Variants in ZNF365 observed in about 807,000 individuals in gnomAD.
The protein encoded by ZNF365 is protein ZNF365.
ZNF365 carries 22 observed loss-of-function variants against 35.0 expected under a neutral mutation model. The observed-to-expected ratio is 0.63, with a 90% CI of 0.45 to 0.90. ZNF365 has a LOEUF of 0.90. Ranked by LOEUF, ZNF365 falls within the 40% of genes least tolerant of loss-of-function variation. The pLI is 0.00. For missense variants in ZNF365, 448 were observed against 500.3 expected, an observed-to-expected ratio of 0.90 and a Z score of 1.00; for synonymous variants, 188 against 196.2, an observed-to-expected ratio of 0.96 and a Z score of 0.35.
intron 2 of ZNF365, among the ~76,000 whole-genome samples, chr10:62,380,570 G>A (rs879891301): frequency 1.3e-5 from 2 of 152,172 alleles, no homozygotes; most frequent in Non-Finnish European, 2.9e-5. Flanking sequence ...TCCCTGCATT[G>A]TTCAGGGGTC....
chr10:62,389,554 A>T (rs1839590530), intron 3 of ZNF365, among the ~76,000 whole-genome samples: 2 of 152,180 alleles, frequency 1.3e-5, no homozygotes, highest in Non-Finnish European at 2.9e-5. Flanking sequence ...GGTTGATTTA[A>T]AAGTTTACTT....
intron 3 of ZNF365, among the ~76,000 whole-genome samples, chr10:62,413,531 T>A (rs4746778): frequency 0.63 from 95,883 of 151,954 alleles, 30,978 homozygotes; most frequent in East Asian, 0.84. Context: ...TTAGGAAAAC[T>A]TTTGACCCTC....
intron 3 of ZNF365, among the ~76,000 whole-genome samples, chr10:62,453,111 A>G (rs750913002): frequency 6.6e-6 from 1 of 152,268 alleles, no homozygotes; most frequent in Non-Finnish European, 1.5e-5. Context: ...AGTACTAAAA[A>G]ACTTGGAGTT....
At chr10:62,397,991 C>T (rs1468939110) in intron 3 of ZNF365, among the ~76,000 whole-genome samples, 2 of 152,172 alleles carry the variant, frequency 1.3e-5, no homozygotes, top group Admixed American at 6.5e-5. Flanking sequence ...GCACCCATCA[C>T]GTGAGCAGTG....
rs143840194 is a variant in ZNF365, at chr10:62,408,441, C to T, written c.924+19865C>T. 2.1e-3 allele frequency among the ~76,000 whole-genome samples: 315 copies of T among 152,234 alleles called. 2 individuals carry two copies. The highest frequency in any genetic ancestry group is 6.6e-3 in the African/African-American group (274 of 41,516). On this transcript the variant is annotated intron_variant, in intron 3 of 4. Transcript: ENST00000395255. ...TATTAACATATCTAAAGAAAGACAT[C>T]AGGCTCTGCCACTTACTAGTTTTAT...
intron 3 of ZNF365, among the ~76,000 whole-genome samples, chr10:62,394,018 C>A (rs1303216530): frequency 6.6e-6 from 1 of 152,194 alleles, no homozygotes; most frequent in Non-Finnish European, 1.5e-5. Context: ...ACACAGTCTG[C>A]AGACCCTGTA....
chr10:62,459,727 T>A (rs1840815678), intron 3 of ZNF365: 1 of 1,604,548 alleles, frequency 6.2e-7, no homozygotes, highest in Non-Finnish European at 8.5e-7. Context: ...GCAGTACCCT[T>A]CTTTTCCTTT....
chr10:62,396,837 C>A (rs773143211), intron 3 of ZNF365, among the ~76,000 whole-genome samples: 1 of 151,994 alleles, frequency 6.6e-6, no homozygotes, highest in Non-Finnish European at 1.5e-5. Context: ...CATTAAACTG[C>A]CACTTACATA....
Position 62,376,362 on chromosome 10 carries a change from A to G in ZNF365, c.169A>G (p.Thr57Ala). Residue 57 changes from threonine to alanine, a missense_variant, in exon 2 of 5, where the codon ACC (threonine) becomes GCC (alanine). Transcript: ENST00000395254. ...LEFSHSYEERTLLTKCSLFPS... is the reference protein window; with the variant it reads ...LEFSHSYEERALLTKCSLFPS... The stretch of plus-strand genomic sequence containing the variant: ...GTTCAGTCACAGCTACGAAGAAAGA[A>G]CCCTCTTGACAAAATGCAGTCTCTT... 1 of 1,614,100 alleles carries G rather than the reference A, an allele frequency of 6.2e-7. No homozygotes were observed. The highest frequency in any genetic ancestry group is 1.1e-5 in the South Asian group (1 of 91,070).
chr10:62,388,031 T>G (rs1839552893), intron 2 of ZNF365, among the ~76,000 whole-genome samples: 1 of 152,210 alleles, frequency 6.6e-6, no homozygotes, highest in Admixed American at 6.5e-5. Context: ...CCTGCATGGC[T>G]TCTTCCACAG....
intron 3 of ZNF365, among the ~76,000 whole-genome samples, chr10:62,420,293 G>T (rs368177874): frequency 1.3e-5 from 2 of 152,238 alleles, no homozygotes; most frequent in East Asian, 3.9e-4. Flanking sequence ...ATAAATATTT[G>T]TTAGAACATG....
At chr10:62,469,607 T>C (rs1841000714) in intron 4 of ZNF365, among the ~76,000 whole-genome samples, 1 of 152,176 alleles carries the variant, frequency 6.6e-6, no homozygotes, top group Non-Finnish European at 1.5e-5. Context: ...TGAAGTCTCA[T>C]TATACACGTA....
chr10:62,401,270 C>A lies in ZNF365; in HGVS notation c.*1481C>A, dbSNP rs1839824086. 2 of 985,124 alleles carry A rather than the reference C, an allele frequency of 2.0e-6. No homozygotes were observed. Among genetic ancestry groups the A allele is most frequent in the Non-Finnish European group, 2.4e-6 (2 of 829,802 alleles). The allele number at this position is 985,124 out of a possible 1,614,324, so 61.0% of individuals were successfully genotyped here. ...TATGTTTGTTCATGTAAACTGAATT[C>A]TCTTATTTAAAAAATCAAAACTGTA... On this transcript the variant is annotated 3_prime_UTR_variant, in exon 5 of 5. Transcript: ENST00000395254.
At chr10:62,428,196 G>A (rs1840278492) in intron 3 of ZNF365, among the ~76,000 whole-genome samples, 1 of 152,202 alleles carries the variant, frequency 6.6e-6, no homozygotes, top group Non-Finnish European at 1.5e-5. Context: ...CTTCTGGGAT[G>A]TAGATGTGTA....
chr10:62,412,132 A>G lies in ZNF365; in HGVS notation c.924+23556A>G, dbSNP rs774619323. ...CCCTGGGATGCAAGGTTGGTTCAAT[A>G]TATGCAAATCAATAAATGTAATTCA... On this transcript the variant is annotated intron_variant, in intron 3 of 4. Coordinates refer to the ZNF365 transcript ENST00000395255. 8.5e-5 allele frequency among the ~76,000 whole-genome samples: 13 copies of G among 152,152 alleles called. No individual in the cohort carries two copies. In the South Asian group the frequency reaches 2.7e-3, roughly 32 times the overall value.
At chr10:62,386,653 T>C (rs902044660) in intron 2 of ZNF365, among the ~76,000 whole-genome samples, 5 of 152,118 alleles carry the variant, frequency 3.3e-5, no homozygotes, top group African/African-American at 1.2e-4. Flanking sequence ...GAGAGAAAAA[T>C]CATGACTAAT....
intron 2 of ZNF365, among the ~76,000 whole-genome samples, chr10:62,377,655 T>C (rs1839359424): frequency 6.6e-6 from 1 of 152,226 alleles, no homozygotes; most frequent in South Asian, 2.1e-4. Flanking sequence ...AGCTATTGCT[T>C]GAGAAATCAT....
chr10:62,470,796 C>T (rs1841021014), intron 4 of ZNF365, among the ~76,000 whole-genome samples: 1 of 151,632 alleles, frequency 6.6e-6, no homozygotes, highest in African/African-American at 2.4e-5. Flanking sequence ...GTGTGTGTTG[C>T]CTTTCGTTTA....
downstream of ZNF365, among the ~76,000 whole-genome samples, chr10:62,403,387 G>T (rs111447414): frequency 2.0e-5 from 3 of 152,082 alleles, no homozygotes; most frequent in African/African-American, 7.2e-5. Flanking sequence ...CGCCGGGTGC[G>T]GTGGCTCACG....
Sources: allele counts gnomAD v4.1 joint callset (sites outside exome capture counted in the v4.1 genomes callset), GRCh38; gene constraint gnomAD v4.1.1; transcripts MANE v1.5; gene names NCBI Gene and HGNC (gene_info 2026-07-23, HGNC 2026-07-21).